The following GALNTL6 variants were observed in gnomAD, a reference collection of about 807,000 sequenced individuals.
The protein encoded by GALNTL6 is polypeptide N-acetylgalactosaminyltransferase-like 6.
Under a neutral mutation model 73.7 loss-of-function variants are expected in GALNTL6, and 46 were observed. The observed-to-expected ratio is 0.62, with a 90% confidence interval of 0.49 to 0.80. GALNTL6 has a LOEUF of 0.80. GALNTL6 is among the 30% of genes least tolerant of loss of function. The pLI is 0.00. For missense variants in GALNTL6, 604 were observed against 755.0 expected (o/e 0.80, Z 2.34); for synonymous variants, 259 against 263.7 (o/e 0.98, Z 0.17).
intron 3 of GALNTL6, among the ~76,000 whole-genome samples, chr4:172,249,722 A>G (rs1305919599): frequency 6.6e-6 from 1 of 152,202 alleles, no homozygotes; most frequent in Non-Finnish European, 1.5e-5. Context: ...AGAGGGTGCA[A>G]GCCCCAAGCC....
At chr4:172,319,350 C>T (rs1034038355) in intron 4 of GALNTL6, among the ~76,000 whole-genome samples, 3 of 152,138 alleles carry the variant, frequency 2.0e-5, no homozygotes, top group Non-Finnish European at 4.4e-5. Context: ...ATCACGTATT[C>T]TCTTGAACTT....
At chr4:172,440,901 T>C (rs1386469450) in intron 5 of GALNTL6, among the ~76,000 whole-genome samples, 1 of 152,158 alleles carries the variant, frequency 6.6e-6, no homozygotes, top group Non-Finnish European at 1.5e-5. Context: ...AATTTGTCTT[T>C]TACTGTTAGC....
At chr4:171,893,808 G>A (rs932498481) in intron 2 of GALNTL6, among the ~76,000 whole-genome samples, 21 of 152,110 alleles carry the variant, frequency 1.4e-4, no homozygotes, top group African/African-American at 5.1e-4. Flanking sequence ...CATTTCTACA[G>A]ACTGCTAAAC....
intron 10 of GALNTL6, among the ~76,000 whole-genome samples, chr4:172,964,805 C>G (rs567495943): frequency 9.8e-5 from 15 of 152,326 alleles, no homozygotes; most frequent in African/African-American, 3.4e-4. Flanking sequence ...CAAAGAAATT[C>G]TGTGTGAGTG....
At chr4:172,380,727 C>T (rs1283933241) in intron 5 of GALNTL6, among the ~76,000 whole-genome samples, 1 of 152,106 alleles carries the variant, frequency 6.6e-6, no homozygotes, top group Non-Finnish European at 1.5e-5. Context: ...TAATTTACCA[C>T]GAAAGAGAAG....
intron 2 of GALNTL6, among the ~76,000 whole-genome samples, chr4:171,987,906 AAGTC>A (rs1560872988): frequency 6.6e-6 from 1 of 152,136 alleles, no homozygotes; most frequent in Non-Finnish European, 1.5e-5. Context: ...AATAATGTGG[AAGTC>A]GGGATTAAAG....
At chr4:171,951,920 A>G (rs1429580297) in intron 2 of GALNTL6, among the ~76,000 whole-genome samples, 3 of 152,074 alleles carry the variant, frequency 2.0e-5, no homozygotes, top group Non-Finnish European at 4.4e-5. Flanking sequence ...ATTATTGAGC[A>G]ATGTATCCCA....
intron 5 of GALNTL6, among the ~76,000 whole-genome samples, chr4:172,430,448 G>A (rs971512784): frequency 2.0e-5 from 3 of 152,078 alleles, no homozygotes; most frequent in African/African-American, 4.8e-5. Flanking sequence ...GAAACAGAGC[G>A]TTTCAGTAGT....
At position 171,861,173 on chromosome 4, in the gene GALNTL6, G is replaced by A. The variant is rs867865368; in HGVS notation, c.138+46455G>A. Among the ~76,000 whole-genome samples, 5 of 152,256 alleles carry A rather than the reference G, an allele frequency of 3.3e-5. 1 individual carries two copies. In the Middle Eastern group the frequency reaches 0.01, roughly 311 times the overall value. ...AGCATAGCTCCATGTCTCATTCACT[G>A]AAAGGCGCCCCAGATAGGAAGCCAG... On this transcript the variant is annotated intron_variant, in intron 2 of 12. Transcript: ENST00000506823.
chr4:172,004,858 C>T (rs1215140847), intron 2 of GALNTL6, among the ~76,000 whole-genome samples: 9 of 149,482 alleles, frequency 6.0e-5, no homozygotes, highest in African/African-American at 2.2e-4. Context: ...TGGAAAGTTA[C>T]AACTCTGTAT....
At chr4:172,571,617 A>G (rs918658786) in intron 5 of GALNTL6, among the ~76,000 whole-genome samples, 1 of 152,218 alleles carries the variant, frequency 6.6e-6, no homozygotes, top group Non-Finnish European at 1.5e-5. Context: ...TGGCCTTAAA[A>G]GGCTTCCACT....
chr4:172,546,785 T>TATATATATATAC (rs1465732066), intron 5 of GALNTL6, among the ~76,000 whole-genome samples: 18 of 4,790 alleles, frequency 3.8e-3, no homozygotes, highest in Non-Finnish European at 7.6e-3. Context: ...AACTCCGCTT[T>TATATATATATAC]ATATATATAT....
At chr4:172,295,785 A>T (rs1739652360) in intron 3 of GALNTL6, among the ~76,000 whole-genome samples, 1 of 151,840 alleles carries the variant, frequency 6.6e-6, no homozygotes, top group African/African-American at 2.4e-5. Flanking sequence ...TAACGGCAAC[A>T]ATAACAAAAA....
chr4:172,859,587 C>T (rs1010030823), intron 7 of GALNTL6, among the ~76,000 whole-genome samples: 5 of 152,032 alleles, frequency 3.3e-5, no homozygotes, highest in African/African-American at 1.2e-4. Flanking sequence ...AGTAACTATC[C>T]ACTATAACTA....
chr4:173,015,546 G>C (rs1752746672), intron 11 of GALNTL6, among the ~76,000 whole-genome samples: 1 of 152,192 alleles, frequency 6.6e-6, no homozygotes, highest in Admixed American at 6.5e-5. Flanking sequence ...AACTTGTTGG[G>C]AACTGGAGTA....
At chr4:172,472,356 G>T (rs1425633741) in intron 5 of GALNTL6, among the ~76,000 whole-genome samples, 2 of 152,132 alleles carry the variant, frequency 1.3e-5, no homozygotes, top group Admixed American at 1.3e-4. Flanking sequence ...TCCTGAATCT[G>T]AACCCTTTAG....
chr4:172,056,458 T>C (rs1054112473), intron 2 of GALNTL6, among the ~76,000 whole-genome samples: 1 of 152,154 alleles, frequency 6.6e-6, no homozygotes, highest in African/African-American at 2.4e-5. Flanking sequence ...TTATATTTTT[T>C]CAATTTCAGA....
intron 5 of GALNTL6, among the ~76,000 whole-genome samples, chr4:172,713,611 T>C (rs1734862534): frequency 6.6e-6 from 1 of 152,162 alleles, no homozygotes. Context: ...TAAAATTAAC[T>C]GTCACATCTT....
At chr4:172,592,424 C>T (rs1737673581) in intron 5 of GALNTL6, among the ~76,000 whole-genome samples, 1 of 152,076 alleles carries the variant, frequency 6.6e-6, no homozygotes, top group Admixed American at 6.5e-5. Context: ...TCCCACCATC[C>T]CCACACTGGG....
Sources: allele counts gnomAD v4.1 joint callset (sites outside exome capture counted in the v4.1 genomes callset), GRCh38; gene constraint gnomAD v4.1.1; transcripts MANE v1.5; gene names NCBI Gene and HGNC (gene_info 2026-07-23, HGNC 2026-07-21).